Variants in FHIP1A observed in about 807,000 individuals in gnomAD.
The protein encoded by FHIP1A is FHF complex subunit HOOK interacting protein 1A.
In FHIP1A, 61 loss-of-function variants were observed where a neutral mutation model predicts 88.6. The ratio of observed to expected loss-of-function variants is 0.69; its 90% CI spans 0.56 to 0.85. The LOEUF is 0.85. Among genes scored for constraint, FHIP1A ranks in the 40% least tolerant of loss-of-function variants. The pLI, the probability that FHIP1A is intolerant of heterozygous loss-of-function variation, is 0.00. For missense variants in FHIP1A, 1,154 were observed against 1,273.5 expected, an observed-to-expected ratio of 0.91 and a Z score of 1.43; for synonymous variants, 478 against 496.0, an observed-to-expected ratio of 0.96 and a Z score of 0.48.
At chr4:151,640,856 A>G (rs1389275042) in intron 9 of FHIP1A, among the ~76,000 whole-genome samples, 2 of 152,140 alleles carry the variant, frequency 1.3e-5, no homozygotes, top group African/African-American at 4.8e-5. Context: ...GTTGTGTTAC[A>G]AAAGTGTCCG....
intron 7 of FHIP1A, among the ~76,000 whole-genome samples, chr4:151,591,075 C>T (rs1734405905): frequency 6.7e-6 from 1 of 149,898 alleles, no homozygotes; most frequent in African/African-American, 2.5e-5. Flanking sequence ...TGTTCTCTGT[C>T]TGTTTTTTGT....
chr4:151,463,587 G>T (rs769683202), intron 2 of FHIP1A, among the ~76,000 whole-genome samples: 18 of 152,178 alleles, frequency 1.2e-4, no homozygotes, highest in Non-Finnish European at 2.6e-4. Context: ...TATGCCCCCA[G>T]CCTTCTGTTC....
At chr4:151,472,126 C>CAT (rs1191493575) in intron 2 of FHIP1A, among the ~76,000 whole-genome samples, 4 of 152,036 alleles carry the variant, frequency 2.6e-5, no homozygotes, top group African/African-American at 9.7e-5. Flanking sequence ...GGACACTGGA[C>CAT]ATATGTAGGG....
intron 1 of FHIP1A, among the ~76,000 whole-genome samples, chr4:151,448,166 G>A (rs1396555497): frequency 5.9e-5 from 9 of 151,730 alleles, no homozygotes; most frequent in Non-Finnish European, 1.3e-4. Flanking sequence ...TGACCCTCCC[G>A]TCTTAGCCTC....
At chr4:151,448,771 T>A (rs999632340) in intron 1 of FHIP1A, among the ~76,000 whole-genome samples, 5 of 152,194 alleles carry the variant, frequency 3.3e-5, no homozygotes, top group Admixed American at 3.3e-4. Context: ...TGCACAAATA[T>A]CTTTATGAGT....
chr4:151,548,943 G>A (rs1732614444), intron 3 of FHIP1A, among the ~76,000 whole-genome samples: 1 of 152,236 alleles, frequency 6.6e-6, no homozygotes, highest in Non-Finnish European at 1.5e-5. Context: ...ATGGAACAAT[G>A]GTGAGAGCAC....
intron 7 of FHIP1A, among the ~76,000 whole-genome samples, chr4:151,596,986 G>C (rs1244192154): frequency 6.6e-6 from 1 of 152,042 alleles, no homozygotes; most frequent in Non-Finnish European, 1.5e-5. Context: ...CTTTAGCTTG[G>C]AGAAGTTTGT....
At chr4:151,483,343 G>T (rs1019452402) in intron 3 of FHIP1A, among the ~76,000 whole-genome samples, 33 of 151,918 alleles carry the variant, frequency 2.2e-4, no homozygotes, top group African/African-American at 8.0e-4. Context: ...TTCCCAAAGT[G>T]TTACTAGAGT....
chr4:151,417,993 G>T (rs1272179946), intron 1 of FHIP1A, among the ~76,000 whole-genome samples: 1 of 151,696 alleles, frequency 6.6e-6, no homozygotes, highest in Admixed American at 6.6e-5. Flanking sequence ...GACATAGTGA[G>T]ACCCGTCTTA....
At chr4:151,417,428 CTGAAG>C (rs1359664607) in intron 1 of FHIP1A, among the ~76,000 whole-genome samples, 2 of 152,150 alleles carry the variant, frequency 1.3e-5, no homozygotes, top group Non-Finnish European at 2.9e-5. Context: ...CAATCAGAGG[CTGAAG>C]TGAAGTTACA....
chr4:151,569,991 C>G (rs1031861259), intron 4 of FHIP1A, among the ~76,000 whole-genome samples: 9 of 152,332 alleles, frequency 5.9e-5, no homozygotes, highest in African/African-American at 1.7e-4. Context: ...TAGCCCCTGA[C>G]TTCCTGTCAC....
At chr4:151,559,014 T>C (rs1294080657) in intron 3 of FHIP1A, among the ~76,000 whole-genome samples, 12 of 152,248 alleles carry the variant, frequency 7.9e-5, no homozygotes, top group Admixed American at 7.9e-4. Context: ...ATATATTTAT[T>C]CCATTGGAAG....
At chr4:151,506,320 T>A (rs185613124) in intron 3 of FHIP1A, among the ~76,000 whole-genome samples, 32 of 152,378 alleles carry the variant, frequency 2.1e-4, no homozygotes, top group Admixed American at 7.8e-4. Flanking sequence ...CTGAGTTTTC[T>A]ATGAACTTTG....
At chr4:151,416,015 C>T (rs1732878851) in intron 1 of FHIP1A, among the ~76,000 whole-genome samples, 1 of 151,890 alleles carries the variant, frequency 6.6e-6, no homozygotes, top group South Asian at 2.1e-4. Context: ...AGAAAATCCA[C>T]TAGGTTTTGC....
intron 4 of FHIP1A, among the ~76,000 whole-genome samples, chr4:151,576,504 A>G (rs921092351): frequency 5.9e-5 from 9 of 152,008 alleles, no homozygotes; most frequent in Non-Finnish European, 1.3e-4. Context: ...GGGTCTCACT[A>G]TTTTGCTCAG....
chr4:151,642,402 T>A (rs1213945544), intron 9 of FHIP1A, among the ~76,000 whole-genome samples: 1 of 152,142 alleles, frequency 6.6e-6, no homozygotes, highest in Non-Finnish European at 1.5e-5. Context: ...GCTGTGTGTA[T>A]ACTTCAGGAA....
rs1193555902 is a variant in FHIP1A, at chr4:151,412,584, TTTCC to T, written c.-356+3145_-356+3148del. On this transcript the variant is annotated intron_variant, in intron 1 of 13. Transcript: ENST00000435205. ...TTTCTTTCTTTCTTTCTTTCCTTTC[TTTCC>T]TTCCTTCCTTCCTTCCTTCCTTCCT... Among the ~76,000 whole-genome samples the T allele has an allele frequency of 6.4e-3, 734 of 115,218 alleles. 3 individuals carry two copies. Among genetic ancestry groups the T allele is most frequent in the Non-Finnish European group, 9.2e-3 (539 of 58,556 alleles). 75.6% of individuals were successfully genotyped at this position (115,218 alleles called of 152,430 possible). A position where few individuals can be genotyped will look rare whatever the true frequency, so the allele number is the denominator to read the frequency against.
chr4:151,611,968 T>C (rs1354001869), intron 7 of FHIP1A, among the ~76,000 whole-genome samples: 2 of 152,218 alleles, frequency 1.3e-5, no homozygotes, highest in African/African-American at 4.8e-5. Context: ...AGTGGAGAGA[T>C]TAAATTGGAG....
intron 4 of FHIP1A, among the ~76,000 whole-genome samples, 192 bp from the exon 5 acceptor site, chr4:151,577,258 T>A (rs543366768): frequency 1.5e-4 from 23 of 152,310 alleles, no homozygotes; most frequent in African/African-American, 5.5e-4. Context: ...TTCAGACATC[T>A]TCTTTCTATA....
Sources: allele counts gnomAD v4.1 joint callset (sites outside exome capture counted in the v4.1 genomes callset), GRCh38; gene constraint gnomAD v4.1.1; transcripts MANE v1.5; gene names NCBI Gene and HGNC (gene_info 2026-07-23, HGNC 2026-07-21).